The following TENM4 variants were observed in gnomAD, a reference collection of about 807,000 sequenced individuals.
TENM4 encodes teneurin transmembrane protein 4, also known as teneurin-4.
A neutral mutation model predicts 243.3 loss-of-function variants in TENM4; 82 were observed. The observed-to-expected ratio is 0.34, with a 90% confidence interval of 0.28 to 0.40. The LOEUF is 0.40. TENM4 is among the 10% of genes least tolerant of loss of function. The pLI, the probability that TENM4 is intolerant of heterozygous loss-of-function variation, is 1.00. For synonymous variants in TENM4, 1,412 were observed against 1,456.3 expected, an observed-to-expected ratio of 0.97 and a Z score of 0.69; for missense variants, 3,138 against 3,673.3, an observed-to-expected ratio of 0.85 and a Z score of 3.77.
At chr11:79,346,746 C>G (rs1433068734) in intron 1 of TENM4, among the ~76,000 whole-genome samples, 2 of 152,118 alleles carry the variant, frequency 1.3e-5, no homozygotes, top group Non-Finnish European at 2.9e-5. Flanking sequence ...GCCACTTAAG[C>G]CCTGACAATC....
intron 28 of TENM4, among the ~76,000 whole-genome samples, chr11:78,695,209 C>A (rs1858928641): frequency 6.6e-6 from 1 of 151,924 alleles, no homozygotes; most frequent in Non-Finnish European, 1.5e-5. Context: ...CCACTACATC[C>A]AGCTAATTAA....
chr11:79,271,718 C>G (rs1458577478), intron 2 of TENM4, among the ~76,000 whole-genome samples: 2 of 152,222 alleles, frequency 1.3e-5, no homozygotes, highest in African/African-American at 4.8e-5. Flanking sequence ...TTCAGCCCAC[C>G]TACTCCCCCA....
chr11:79,265,510 T>C, intron 2 of TENM4, among the ~76,000 whole-genome samples: 1 of 148,390 alleles, frequency 6.7e-6, no homozygotes, highest in East Asian at 1.9e-4. Context: ...TTGAATAGAT[T>C]GTGTTACATG....
intron 1 of TENM4, among the ~76,000 whole-genome samples, chr11:79,429,921 G>A (rs1859131299): frequency 6.6e-6 from 1 of 152,160 alleles, no homozygotes; most frequent in East Asian, 1.9e-4. Flanking sequence ...AGAAAACTAT[G>A]GCACACAGAC....
At chr11:79,260,193 A>C (rs1020680353) in intron 2 of TENM4, among the ~76,000 whole-genome samples, 3 of 152,200 alleles carry the variant, frequency 2.0e-5, no homozygotes, top group African/African-American at 7.2e-5. Flanking sequence ...GTCACTTTCA[A>C]TCATTACTTA....
At chr11:79,192,762 TAAAAA>T (rs199995640) in intron 3 of TENM4, among the ~76,000 whole-genome samples, 1 of 148,772 alleles carries the variant, frequency 6.7e-6, no homozygotes, top group African/African-American at 2.5e-5. Context: ...AAAATAAAAT[TAAAAA>T]AAAAAATATT....
At chr11:79,434,453 G>A (rs879375065) in intron 1 of TENM4, among the ~76,000 whole-genome samples, 4 of 152,080 alleles carry the variant, frequency 2.6e-5, no homozygotes, top group African/African-American at 2.4e-5. Flanking sequence ...CACTCTTCTC[G>A]GAGGAACTAT....
intron 4 of TENM4, among the ~76,000 whole-genome samples, chr11:79,133,674 C>A (rs1391635727): frequency 6.6e-6 from 1 of 152,108 alleles, no homozygotes; most frequent in Non-Finnish European, 1.5e-5. Context: ...GGGTTTCACA[C>A]CAGGGATGCA....
Position 78,799,788 on chromosome 11 carries a change from G to A in TENM4, c.2179+5504C>T, listed in dbSNP as rs561038605. Among the ~76,000 whole-genome samples the A allele has an allele frequency of 4.6e-5, 7 of 152,336 alleles. No homozygotes were observed. In the South Asian group the frequency reaches 1.5e-3, roughly 32 times the overall value. ...TAAGAATCATAAACCCGCAGCATGA[G>A]CATTTTACAGGCAAAATCTCTGCCA... On this transcript the variant is annotated intron_variant, in intron 15 of 33. Transcript: ENST00000278550.
intron 6 of TENM4, among the ~76,000 whole-genome samples, chr11:78,944,937 C>T (rs972530607): frequency 1.3e-5 from 2 of 152,158 alleles, no homozygotes; most frequent in African/African-American, 4.8e-5. Context: ...TTCTCCCGCC[C>T]TTCTACTAAA....
intron 6 of TENM4, among the ~76,000 whole-genome samples, chr11:78,957,715 A>G (rs559235038): frequency 1.3e-5 from 2 of 152,324 alleles, no homozygotes; most frequent in South Asian, 4.1e-4. Context: ...TGCTGAAAAA[A>G]GAAAAGACCC....
At chr11:78,958,353 C>T (rs1857250591) in intron 6 of TENM4, among the ~76,000 whole-genome samples, 1 of 152,192 alleles carries the variant, frequency 6.6e-6, no homozygotes, top group African/African-American at 2.4e-5. Context: ...AATATTTATT[C>T]TGAAAAGTTT....
intron 10 of TENM4, 151 bp downstream of exon 10, chr11:78,862,811 C>G: frequency 1.2e-6 from 1 of 823,668 alleles, no homozygotes; most frequent in Non-Finnish European, 1.7e-6. Flanking sequence ...GGACTGGCAG[C>G]TTGACAGCTG....
Position 79,300,135 on chromosome 11 carries a change from G to C in TENM4, c.-320-2592C>G, listed in dbSNP as rs558365967. On this transcript the variant is annotated intron_variant, in intron 1 of 33. Transcript: ENST00000278550. ...GACTCTGTTACACTGCAGTCATGCA[G>C]TTTGTTTTCTTTTTTTAAAAAAAGT... 8.5e-5 allele frequency among the ~76,000 whole-genome samples: 13 copies of C among 152,284 alleles called. No individual in the cohort carries two copies. The South Asian group carries it at 2.7e-3, about 32-fold the overall frequency.
At chr11:79,182,671 T>C (rs1347716118) in intron 3 of TENM4, among the ~76,000 whole-genome samples, 1 of 152,028 alleles carries the variant, frequency 6.6e-6, no homozygotes, top group Non-Finnish European at 1.5e-5. Context: ...CAAAAGACTA[T>C]CTAGTGAAGG....
chr11:79,216,716 A>T (rs1156630799), intron 2 of TENM4, among the ~76,000 whole-genome samples: 1 of 152,170 alleles, frequency 6.6e-6, no homozygotes, highest in Non-Finnish European at 1.5e-5. Context: ...TTCCCCTGGG[A>T]TGAAGCAGCA....
chr11:78,988,272 CTG>C (rs768954377), intron 6 of TENM4, among the ~76,000 whole-genome samples: 2 of 152,168 alleles, frequency 1.3e-5, no homozygotes, highest in Non-Finnish European at 2.9e-5. Flanking sequence ...AGTTTGTCAA[CTG>C]TGTGAGTGAG....
At chr11:78,993,084 T>C (rs17827476) in intron 6 of TENM4, among the ~76,000 whole-genome samples, 2,900 of 152,296 alleles carry the variant, frequency 0.019, 39 homozygotes, top group Non-Finnish European at 0.026. Flanking sequence ...ACAGCTACTA[T>C]TGGCAACATG....
chr11:79,400,108 C>CACAT (rs1222739873), intron 1 of TENM4, among the ~76,000 whole-genome samples: 3 of 92,336 alleles, frequency 3.2e-5, no homozygotes, highest in Non-Finnish European at 7.5e-5. Context: ...ACCACACACA[C>CACAT]ACACACACAC....
Sources: gnomAD v4.1 joint callset for allele counts (sites outside exome capture counted in the v4.1 genomes callset) on GRCh38, gnomAD v4.1.1 for gene constraint, MANE v1.5 for transcripts, NCBI Gene and HGNC (gene_info 2026-07-23, HGNC 2026-07-21) for gene names.